The following PCDHA1 variants were observed in gnomAD, a reference collection of about 807,000 sequenced individuals.
PCDHA1 encodes the protein protocadherin alpha-1.
PCDHA1 carries 42 observed loss-of-function variants against 61.3 expected under a neutral mutation model. That is an observed-to-expected ratio of 0.69 (90% CI 0.54 to 0.89). PCDHA1 has a LOEUF of 0.89. Among genes scored for constraint, PCDHA1 ranks in the 40% least tolerant of loss-of-function variants. PCDHA1 has a pLI of 0.00. For synonymous variants in PCDHA1, 610 were observed against 553.8 expected, an observed-to-expected ratio of 1.10 and a Z score of -1.43; for missense variants, 1,256 against 1,235.3, an observed-to-expected ratio of 1.02 and a Z score of -0.25.
At chr5:140,921,078 C>A (rs2153559626) in intron 1 of PCDHA1, among the ~76,000 whole-genome samples, 1 of 151,870 alleles carries the variant, frequency 6.6e-6, no homozygotes, top group East Asian at 2.0e-4. Context: ...CTCTTGGGCT[C>A]AAGAGAATCC....
chr5:140,807,211 C>T, intron 1 of PCDHA1: 1 of 1,613,892 alleles, frequency 6.2e-7, no homozygotes, highest in Non-Finnish European at 8.5e-7. Context: ...GGGGAAGCGG[C>T]CAGGAATCCC....
chr5:140,787,248 G>C lies in PCDHA1; in HGVS notation c.958G>C (p.Val320Leu). Residue 320 changes from valine to leucine, a missense_variant, in exon 1 of 4, where the codon GTA becomes CTA. Physicochemically the swap from Val to Leu is conservative, Grantham distance 32. Coordinates refer to ENST00000504120, the MANE Select transcript of PCDHA1 (RefSeq NM_018900.4). ...YEETKSYEIQVKAVDKGSPPM... is the reference protein window; with the variant it reads ...YEETKSYEIQLKAVDKGSPPM... ...AGAAACAAAATCCTACGAAATTCAAGTAAAGGCAGTTGATAAAGGAAGTCC... is the reference window on the plus strand; with the variant it reads ...AGAAACAAAATCCTACGAAATTCAACTAAAGGCAGTTGATAAAGGAAGTCC... The C allele has an allele frequency of 6.2e-7, 1 of 1,614,204 alleles. No individual in the cohort carries two copies. The highest frequency in any genetic ancestry group is 2.2e-5 in the East Asian group (1 of 44,890).
chr5:140,842,069 A>C (rs2150328859), intron 1 of PCDHA1: 5 of 1,613,784 alleles, frequency 3.1e-6, no homozygotes, highest in Non-Finnish European at 4.2e-6. Flanking sequence ...ATACGAAGTA[A>C]GAATATTCGA....
intron 1 of PCDHA1, chr5:140,795,701 T>C (rs1562154576): frequency 1.2e-6 from 2 of 1,614,032 alleles, no homozygotes; most frequent in East Asian, 4.5e-5. Flanking sequence ...GCCCAATCAG[T>C]TTACAAAGTA....
chr5:141,009,514 A>T (rs2098410382), intron 3 of PCDHA1, 113 bp from the exon 4 acceptor site: 5 of 1,501,204 alleles, frequency 3.3e-6, no homozygotes, highest in African/African-American at 1.4e-5. Context: ...ACAACTCGTG[A>T]TTTTTCTGGG....
At chr5:140,808,157 G>T in intron 1 of PCDHA1, 1 of 1,614,210 alleles carries the variant, frequency 6.2e-7, no homozygotes, top group Non-Finnish European at 8.5e-7. Context: ...AGAGGGCATT[G>T]ATAAGGGACA....
chr5:140,941,202 C>CCTTCCTTTCTTTCTTTCTTT lies in PCDHA1; in HGVS notation c.2395-37744_2395-37743insCCTTTCTTTCTTTCTTTCTT, dbSNP rs1554213920. 2.0e-4 allele frequency among the ~76,000 whole-genome samples: 24 copies of CCTTCCTTTCTTTCTTTCTTT among 122,828 alleles called. 1 individual carries two copies. Among genetic ancestry groups the CCTTCCTTTCTTTCTTTCTTT allele is most frequent in the Non-Finnish European group, 2.3e-4 (13 of 55,838 alleles). The allele number at this position is 122,828 out of a possible 152,430, so 80.6% of individuals were successfully genotyped here. A position where few individuals can be genotyped will look rare whatever the true frequency, so the allele number is the denominator to read the frequency against. ...TCCTGCTTCTTTTTTTTTCTTTCTTCCTTTCTTTCTTCCTTTCTTTCTTTC... is the reference window on the plus strand; with the variant it reads ...TCCTGCTTCTTTTTTTTTCTTTCTTCCTTCCTTTCTTTCTTTCTTTCTTTCTTTCTTCCTTTCTTTCTTTC... On this transcript the variant is annotated intron_variant, in intron 1 of 3. Coordinates refer to ENST00000504120, the MANE Select transcript of PCDHA1 (RefSeq NM_018900.4).
intron 1 of PCDHA1, chr5:140,803,857 G>T: frequency 3.5e-6 from 2 of 572,466 alleles, no homozygotes; most frequent in Non-Finnish European, 6.1e-6. Flanking sequence ...TAAATGCCTG[G>T]GTATAAGACA....
intron 1 of PCDHA1, chr5:140,842,446 C>G: frequency 6.2e-7 from 1 of 1,613,788 alleles, no homozygotes; most frequent in Non-Finnish European, 8.5e-7. Flanking sequence ...TTAGCGTGAA[C>G]GACCTCGATT....
intron 1 of PCDHA1, chr5:140,875,208 C>T (rs1297860404): frequency 3.0e-6 from 2 of 668,426 alleles, no homozygotes; most frequent in Non-Finnish European, 2.2e-6. Context: ...GTGGCTAAAC[C>T]GAAAAGAACC....
intron 1 of PCDHA1, among the ~76,000 whole-genome samples, chr5:140,839,625 C>T (rs1361180713): frequency 6.6e-6 from 1 of 151,884 alleles, no homozygotes; most frequent in African/African-American, 2.4e-5. Flanking sequence ...CCTGAGATAT[C>T]GAGAAATACT....
At chr5:140,797,506 A>G (rs1023242351) in intron 1 of PCDHA1, 1 of 887,356 alleles carries the variant, frequency 1.1e-6, no homozygotes, top group East Asian at 2.6e-5. Context: ...AATTTATTGC[A>G]TTTACTGAAC....
chr5:140,849,883 T>C lies in PCDHA1; in HGVS notation c.2394+61199T>C, dbSNP rs2150456208. The C allele has an allele frequency of 4.4e-6, 7 of 1,598,290 alleles. No homozygotes were observed. Among genetic ancestry groups the C allele is most frequent in the Non-Finnish European group, 6.0e-6 (7 of 1,167,932 alleles). ...TTCGCGCAGTCCGAGTACACGGTGTTCGTGAAGGAGAACAACCCGCCGGGC... is the reference window on the plus strand; with the variant it reads ...TTCGCGCAGTCCGAGTACACGGTGTCCGTGAAGGAGAACAACCCGCCGGGC... On this transcript the variant is annotated intron_variant, in intron 1 of 3. Transcript: ENST00000504120.
rs536640692 is a variant in PCDHA1 at position 140,927,687 on chromosome 5, T to TG, written c.2395-51258dup. ...CCTTGGATCCAGATGAAGGGTCCAATGGGGAAGTCCAGTACTCCCTAAGCA... is the reference window on the plus strand; with the variant it reads ...CCTTGGATCCAGATGAAGGGTCCAATGGGGGAAGTCCAGTACTCCCTAAGCA... On this transcript the variant is annotated intron_variant, in intron 1 of 3. Coordinates refer to ENST00000504120, the MANE Select transcript of PCDHA1 (RefSeq NM_018900.4). The TG allele has an allele frequency of 3.2e-4, 518 of 1,614,158 alleles. 3 individuals carry two copies. In the Middle Eastern group the frequency reaches 0.011, roughly 35 times the overall value.
In PCDHA1 at chr5:140,982,208, G is replaced by A. The variant is rs146224628; in HGVS notation, c.2454-267G>A. 246 of 434,966 alleles carry A rather than the reference G, an allele frequency of 5.7e-4. 1 individual carries two copies. The highest frequency in any genetic ancestry group is 7.4e-4 in the Non-Finnish European group (200 of 268,658). 26.9% of individuals were successfully genotyped at this position (434,966 alleles called of 1,614,324 possible). ...GGGCTTCCTGTTAGATTTAGTGAGC[G>A]CCACATGGCGTTAATAAAAAACAGA... On this transcript the variant is annotated intron_variant, in intron 2 of 3. Coordinates refer to ENST00000504120, the MANE Select transcript of PCDHA1 (RefSeq NM_018900.4).
At chr5:140,978,473 T>C (rs1401475037) in intron 1 of PCDHA1, among the ~76,000 whole-genome samples, 1 of 152,238 alleles carries the variant, frequency 6.6e-6, no homozygotes, top group Non-Finnish European at 1.5e-5. Flanking sequence ...TCAAATATGC[T>C]GCAGTCTGCA....
chr5:140,856,078 C>G, intron 1 of PCDHA1: 18 of 1,594,016 alleles, frequency 1.1e-5, no homozygotes, highest in Non-Finnish European at 1.5e-5. Context: ...GCCTGGGGGT[C>G]CAGTGTCTGC....
At chr5:140,951,234 C>A (rs1003242029) in intron 1 of PCDHA1, among the ~76,000 whole-genome samples, 2 of 152,028 alleles carry the variant, frequency 1.3e-5, no homozygotes. Flanking sequence ...ATGGTCTTTA[C>A]CTTTAGGAAT....
chr5:140,828,365 C>G lies in PCDHA1; in HGVS notation c.2394+39681C>G. ...TTTGTTTGTGAATTCTCGGATCGAC[C>G]GCGAGGAGCTGTGCGGGCGGAGCGC... On this transcript the variant is annotated intron_variant, in intron 1 of 3. Transcript: ENST00000504120. The G allele has an allele frequency of 1.2e-6, 2 of 1,614,230 alleles. No individual in the cohort carries two copies. The highest frequency in any genetic ancestry group is 1.7e-6 in the Non-Finnish European group (2 of 1,180,048).
Sources: gnomAD v4.1 joint callset for allele counts (sites outside exome capture counted in the v4.1 genomes callset) on GRCh38, gnomAD v4.1.1 for gene constraint, MANE v1.5 for transcripts, NCBI Gene and HGNC (gene_info 2026-07-23, HGNC 2026-07-21) for gene names.